The following LY96 variants were observed in gnomAD, a reference collection of about 807,000 sequenced individuals.
LY96 encodes lymphocyte antigen 96.
A neutral mutation model predicts 18.9 loss-of-function variants in LY96; 18 were observed. That is an observed-to-expected ratio of 0.95 (90% CI 0.66 to 1.41). LY96 has a LOEUF of 1.41. Ranked by LOEUF, LY96 falls within the 40% of genes most tolerant of loss-of-function variation. The pLI is 0.00. For missense variants in LY96, 175 were observed against 182.4 expected (o/e 0.96, Z 0.23); for synonymous variants, 66 against 62.6 (o/e 1.06, Z -0.26).
chr8:74,041,879 C>CT, the LY96 span, among the ~76,000 whole-genome samples: 1 of 152,152 alleles, frequency 6.6e-6, no homozygotes, highest in Middle Eastern at 3.2e-3. Context: ...GATCTTTGTT[C>CT]TTTTTGCCCT....
chr8:74,068,315 T>A, the LY96 span, among the ~76,000 whole-genome samples: 3,613 of 152,126 alleles, frequency 0.024, 124 homozygotes, highest in African/African-American at 0.08. Flanking sequence ...TGGGAGTTTG[T>A]TTCTTTTTAT....
At chr8:74,025,880 C>T (rs1480264072) in intron 3 of LY96, among the ~76,000 whole-genome samples, 1 of 151,666 alleles carries the variant, frequency 6.6e-6, no homozygotes, top group Non-Finnish European at 1.5e-5. Context: ...TGGTGGCAGG[C>T]GCCTGTAATC....
the LY96 span, among the ~76,000 whole-genome samples, chr8:74,034,474 T>A: frequency 6.6e-6 from 1 of 152,172 alleles, no homozygotes; most frequent in African/African-American, 2.4e-5. Context: ...AACTTTTGTT[T>A]TTGAGTGCAG....
chr8:74,037,234 G>A, the LY96 span, among the ~76,000 whole-genome samples: 3 of 152,178 alleles, frequency 2.0e-5, no homozygotes, highest in South Asian at 2.1e-4. Flanking sequence ...AGATGTAAAC[G>A]AGGAATGTTG....
chr8:74,086,905 A>C, the LY96 span, among the ~76,000 whole-genome samples: 4 of 152,332 alleles, frequency 2.6e-5, no homozygotes, highest in African/African-American at 9.6e-5. Context: ...TGAACTTGGA[A>C]TTTCCAGTGT....
At chr8:74,077,005 A>G in the LY96 span, among the ~76,000 whole-genome samples, 1 of 152,188 alleles carries the variant, frequency 6.6e-6, no homozygotes. Context: ...ATAATTTGCT[A>G]CAATGACTCA....
chr8:74,089,950 T>G, the LY96 span, among the ~76,000 whole-genome samples: 1 of 151,600 alleles, frequency 6.6e-6, no homozygotes, highest in African/African-American at 2.4e-5. Flanking sequence ...GACAGGATGG[T>G]TGGTGTGGAA....
downstream of LY96, chr8:74,029,193 T>C (rs1816928324): frequency 1.8e-5 from 11 of 613,154 alleles, no homozygotes; most frequent in East Asian, 5.7e-5. Flanking sequence ...TCCTCACAGA[T>C]CTCTAGGAAA....
At chr8:74,068,258 T>A in the LY96 span, among the ~76,000 whole-genome samples, 1 of 151,934 alleles carries the variant, frequency 6.6e-6, no homozygotes, top group South Asian at 2.1e-4. Flanking sequence ...TAGAAAGCAC[T>A]CTTTCACTCA....
chr8:74,097,016 A>G, the LY96 span, among the ~76,000 whole-genome samples: 1 of 152,186 alleles, frequency 6.6e-6, no homozygotes, highest in African/African-American at 2.4e-5. Flanking sequence ...GTGGGTGGTC[A>G]GGGAGCCTGG....
At chr8:74,081,200 TTTCCTTCCTTCC>T in the LY96 span, among the ~76,000 whole-genome samples, 1 of 146,714 alleles carries the variant, frequency 6.8e-6, no homozygotes, top group South Asian at 2.2e-4. Context: ...TCCTTCCTTC[TTTCCTTCCTTCC>T]TTCCTTTCTC....
chr8:73,997,292 C>T (rs1376947596), intron 1 of LY96, among the ~76,000 whole-genome samples: 2 of 152,186 alleles, frequency 1.3e-5, no homozygotes, highest in Admixed American at 1.3e-4. Flanking sequence ...TTTTCATGAT[C>T]TCCAGATTCT....
At chr8:74,032,379 T>C (rs1816985309), downstream of LY96, among the ~76,000 whole-genome samples, 1 of 152,254 alleles carries the variant, frequency 6.6e-6, no homozygotes. Flanking sequence ...CCCGGCGTGC[T>C]GCGCCCTGGG....
chr8:74,078,298 G>A, the LY96 span, among the ~76,000 whole-genome samples: 1 of 152,154 alleles, frequency 6.6e-6, no homozygotes, highest in Admixed American at 6.5e-5. Flanking sequence ...GGATTTTCCT[G>A]TGGAGTGTGG....
At chr8:74,090,187 G>C in the LY96 span, among the ~76,000 whole-genome samples, 1 of 152,264 alleles carries the variant, frequency 6.6e-6, no homozygotes, top group South Asian at 2.1e-4. Context: ...CAATCATCTA[G>C]GTGGCTTTGG....
At chr8:74,061,940 T>C in the LY96 span, among the ~76,000 whole-genome samples, 2 of 152,178 alleles carry the variant, frequency 1.3e-5, no homozygotes, top group Non-Finnish European at 2.9e-5. Context: ...AACTTTTGGA[T>C]TGAAGTACAG....
At chr8:74,090,697 G>A in the LY96 span, among the ~76,000 whole-genome samples, 7 of 152,198 alleles carry the variant, frequency 4.6e-5, no homozygotes, top group East Asian at 1.9e-4. Flanking sequence ...AATGTGAGAG[G>A]AGGCTTACTG....
the LY96 span, among the ~76,000 whole-genome samples, chr8:74,063,842 T>C: frequency 6.6e-6 from 1 of 152,154 alleles, no homozygotes; most frequent in Non-Finnish European, 1.5e-5. Flanking sequence ...TGTGCTCTTA[T>C]TAAATTTTTG....
At chr8:74,082,374 C>T in the LY96 span, among the ~76,000 whole-genome samples, 2 of 152,230 alleles carry the variant, frequency 1.3e-5, no homozygotes, top group African/African-American at 4.8e-5. Flanking sequence ...TGGCCATCCT[C>T]ATGACTGTGG....
Sources: allele counts gnomAD v4.1 joint callset (sites outside exome capture counted in the v4.1 genomes callset), GRCh38; gene constraint gnomAD v4.1.1; transcripts MANE v1.5; gene names NCBI Gene and HGNC (gene_info 2026-07-23, HGNC 2026-07-21).